NCAM2: variants seen among roughly 807,000 people sequenced by gnomAD.
The protein encoded by NCAM2 is N-CAM-2.
NCAM2 carries 30 observed loss-of-function variants against 98.1 expected under a neutral mutation model. That is an observed-to-expected ratio of 0.31 (90% CI 0.23 to 0.41). The LOEUF is 0.41. Ranked by LOEUF, NCAM2 falls within the 10% of genes least tolerant of loss-of-function variation. The pLI is 1.00. For missense variants in NCAM2, 867 were observed against 1,005.8 expected, an observed-to-expected ratio of 0.86 and a Z score of 1.87; for synonymous variants, 368 against 342.4, an observed-to-expected ratio of 1.07 and a Z score of -0.83.
chr21:21,422,554 A>T (rs1373548222), intron 11 of NCAM2, among the ~76,000 whole-genome samples: 1 of 152,220 alleles, frequency 6.6e-6, no homozygotes, highest in African/African-American at 2.4e-5. Flanking sequence ...CTTCCTATTA[A>T]TGAGCAGGAG....
chr21:21,410,081 G>A lies in NCAM2; in HGVS notation c.1196-193G>A, dbSNP rs962989023. Reference sequence around the variant, plus strand: ...CCAGGAGGCGGAGCTTGCAGTGAGCGGAGATTGCACCACTGCACTCCAGCC... The same window carrying A: ...CCAGGAGGCGGAGCTTGCAGTGAGCAGAGATTGCACCACTGCACTCCAGCC... On this transcript the variant is annotated intron_variant, in intron 9 of 17. Transcript: ENST00000400546. Among the ~76,000 whole-genome samples, 7 of 151,948 alleles carry A rather than the reference G, an allele frequency of 4.6e-5. No homozygotes were observed. The South Asian group carries it at 6.2e-4, about 14-fold the overall frequency.
At chr21:21,051,520 T>G (rs1411867836) in intron 1 of NCAM2, among the ~76,000 whole-genome samples, 1 of 152,206 alleles carries the variant, frequency 6.6e-6, no homozygotes, top group Non-Finnish European at 1.5e-5. Context: ...GAAACAAACT[T>G]CATTTTCAGA....
chr21:21,524,684 C>T (rs141222401), intron 16 of NCAM2, among the ~76,000 whole-genome samples: 88 of 152,174 alleles, frequency 5.8e-4, no homozygotes, highest in African/African-American at 2.0e-3. Context: ...CATCTGTAGA[C>T]GAATTAATCC....
chr21:21,048,513 C>T (rs1445280563), intron 1 of NCAM2, among the ~76,000 whole-genome samples: 3 of 152,070 alleles, frequency 2.0e-5, no homozygotes, highest in African/African-American at 4.8e-5. Context: ...GCCACACGCC[C>T]GGCTAATTTT....
At position 21,317,052 on chromosome 21, in the gene NCAM2, A is replaced by G. The variant is rs373738147; in HGVS notation, c.620-7331A>G. On this transcript the variant is annotated intron_variant, in intron 5 of 17. Coordinates refer to ENST00000400546, the MANE Select transcript of NCAM2 (RefSeq NM_004540.5). ...CCTAACTTCTGCTAGCCATACACAA[A>G]CTCCAAGGGCAATACAAGACACCAA... Among the ~76,000 whole-genome samples the G allele has an allele frequency of 2.0e-5, 3 of 151,650 alleles. No individual in the cohort carries two copies. The East Asian group carries it at 5.8e-4, about 29-fold the overall frequency.
intron 10 of NCAM2, among the ~76,000 whole-genome samples, chr21:21,415,455 CCT>C (rs2076974138): frequency 6.6e-6 from 1 of 151,258 alleles, no homozygotes; most frequent in Non-Finnish European, 1.5e-5. Flanking sequence ...CCTGCCTCAG[CCT>C]CCCGAGTAGC....
chr21:21,485,953 C>A (rs989301503), intron 15 of NCAM2, among the ~76,000 whole-genome samples: 2 of 152,042 alleles, frequency 1.3e-5, no homozygotes, highest in Non-Finnish European at 2.9e-5. Flanking sequence ...GCTATCCTTT[C>A]TTGTAATCTA....
chr21:21,250,671 T>A (rs1384466551), intron 1 of NCAM2, among the ~76,000 whole-genome samples: 1 of 152,156 alleles, frequency 6.6e-6, no homozygotes, highest in Non-Finnish European at 1.5e-5. Context: ...AAAAACAACG[T>A]TGTGGGACAA....
intron 12 of NCAM2, among the ~76,000 whole-genome samples, chr21:21,458,681 A>G (rs886251533): frequency 6.6e-6 from 1 of 152,212 alleles, no homozygotes; most frequent in Non-Finnish European, 1.5e-5. Flanking sequence ...TGCGACAAAT[A>G]AAATTGTGTT....
At chr21:21,473,299 T>A (rs926013976) in intron 14 of NCAM2, among the ~76,000 whole-genome samples, 3 of 110,786 alleles carry the variant, frequency 2.7e-5, no homozygotes, top group African/African-American at 8.9e-5. Flanking sequence ...ATGGTCTATC[T>A]GTATATATAT....
At chr21:21,150,382 A>G (rs1367890322) in intron 1 of NCAM2, among the ~76,000 whole-genome samples, 2 of 152,070 alleles carry the variant, frequency 1.3e-5, no homozygotes, top group African/African-American at 2.4e-5. Context: ...AAAATTGTGA[A>G]TAGAGGTGAT....
chr21:21,248,432 A>T (rs1037805856), intron 1 of NCAM2, among the ~76,000 whole-genome samples: 29 of 152,154 alleles, frequency 1.9e-4, no homozygotes, highest in Admixed American at 4.6e-4. Context: ...TTTAAAAAAA[A>T]TTCCTTGAAA....
At chr21:21,146,637 A>G (rs572524796) in intron 1 of NCAM2, among the ~76,000 whole-genome samples, 1 of 151,124 alleles carries the variant, frequency 6.6e-6, no homozygotes, top group East Asian at 1.9e-4. Context: ...CATTTAACGT[A>G]TTAAAGAACA....
chr21:21,258,064 G>T (rs1656196642), intron 1 of NCAM2, among the ~76,000 whole-genome samples: 1 of 152,178 alleles, frequency 6.6e-6, no homozygotes, highest in Non-Finnish European at 1.5e-5. Context: ...ACTGATTGAT[G>T]AAGTTTAAAA....
At chr21:21,366,367 C>T in intron 8 of NCAM2, among the ~76,000 whole-genome samples, 1 of 152,040 alleles carries the variant, frequency 6.6e-6, no homozygotes, top group Admixed American at 6.6e-5. Flanking sequence ...TGCTTAGGCA[C>T]TGGGTACTAA....
intron 1 of NCAM2, among the ~76,000 whole-genome samples, chr21:21,128,367 C>T (rs911393216): frequency 2.6e-5 from 4 of 152,006 alleles, no homozygotes; most frequent in African/African-American, 9.7e-5. Flanking sequence ...GTACATGTCA[C>T]CTTGACTTTC....
chr21:21,481,061 A>G (rs769350951), intron 15 of NCAM2, among the ~76,000 whole-genome samples: 1 of 152,226 alleles, frequency 6.6e-6, no homozygotes, highest in Non-Finnish European at 1.5e-5. Context: ...GTCAGTGTTA[A>G]CAGGTGAATG....
intron 1 of NCAM2, among the ~76,000 whole-genome samples, chr21:21,152,149 C>G (rs749664034): frequency 4.6e-5 from 7 of 151,844 alleles, no homozygotes; most frequent in Non-Finnish European, 8.8e-5. Flanking sequence ...TTTTTTCTCT[C>G]CATGTTTCAG....
At chr21:21,364,802 T>C (rs189352403) in intron 8 of NCAM2, among the ~76,000 whole-genome samples, 67 of 152,254 alleles carry the variant, frequency 4.4e-4, no homozygotes, top group African/African-American at 1.5e-3. Context: ...GGTCACTAGA[T>C]GTCACTGACA....
Sources: allele counts gnomAD v4.1 joint callset (sites outside exome capture counted in the v4.1 genomes callset), GRCh38; gene constraint gnomAD v4.1.1; transcripts MANE v1.5; gene names NCBI Gene and HGNC (gene_info 2026-07-23, HGNC 2026-07-21).